Variants in SPTBN1 observed in about 807,000 individuals in gnomAD.
SPTBN1 encodes spectrin beta chain, non-erythrocytic 1.
A neutral mutation model predicts 266.4 loss-of-function variants in SPTBN1; 32 were observed. The observed-to-expected ratio is 0.12, with a 90% CI of 0.09 to 0.16. The LOEUF (loss-of-function observed/expected upper bound fraction) is 0.16. Among genes scored for constraint, SPTBN1 ranks in the 10% least tolerant of loss-of-function variants. SPTBN1 has a pLI of 1.00. For synonymous variants in SPTBN1, 1,336 were observed against 1,162.2 expected, an observed-to-expected ratio of 1.15 and a Z score of -3.04; for missense variants, 2,296 against 3,067.1, an observed-to-expected ratio of 0.75 and a Z score of 5.94.
Position 54,646,968 on chromosome 2 carries a change from A to C in SPTBN1, c.4867-163A>C, listed in dbSNP as rs1447536199. Among the ~76,000 whole-genome samples the C allele has an allele frequency of 1.3e-5, 2 of 152,098 alleles. No individual in the cohort carries two copies. The highest frequency in any genetic ancestry group is 2.9e-5 in the Non-Finnish European group (2 of 68,012). On this transcript the variant is annotated intron_variant, in intron 23 of 35. Coordinates refer to ENST00000356805, the MANE Select transcript of SPTBN1 (RefSeq NM_003128.3). The surrounding 1 kb of genome is among the most constrained non-coding windows in gnomAD (Gnocchi z 4.4). ...GGCTTCTGTGGTCCAGTCCATATGG[A>C]AGCTCTTGGAACACTTCTGTGTTCC...
intron 2 of SPTBN1, chr2:54,557,669 T>G (rs1323428353): frequency 7.2e-6 from 7 of 967,758 alleles, no homozygotes; most frequent in Non-Finnish European, 8.6e-6. Flanking sequence ...GGTGTTTACC[T>G]GTGTACCTTT....
chr2:54,536,091 C>T (rs781143138), intron 2 of SPTBN1, among the ~76,000 whole-genome samples: 3 of 152,094 alleles, frequency 2.0e-5, no homozygotes, highest in African/African-American at 4.8e-5. Flanking sequence ...ATCATAAAGG[C>T]CTATTGGTGG....
At chr2:54,566,585 C>A (rs773465901) in intron 2 of SPTBN1, among the ~76,000 whole-genome samples, 3 of 152,128 alleles carry the variant, frequency 2.0e-5, no homozygotes, top group Non-Finnish European at 4.4e-5. Context: ...AATACCAGCT[C>A]TTTGGGAGGT....
chr2:54,645,789 T>A lies in SPTBN1; in HGVS notation c.4495-139T>A. Reference sequence around the variant, plus strand: ...CTGTCTCGGAGAACAAGGGCGTGCTTCCCCAGACAGCCCTCCCGAGGGGGC... The same window carrying A: ...CTGTCTCGGAGAACAAGGGCGTGCTACCCCAGACAGCCCTCCCGAGGGGGC... On this transcript the variant is annotated intron_variant, in intron 21 of 35. Coordinates refer to ENST00000356805, the MANE Select transcript of SPTBN1 (RefSeq NM_003128.3). This position sits in a 1 kb window ranked among gnomAD's most constrained non-coding sequence, Gnocchi z 4.3. 1 of 869,050 alleles carries A rather than the reference T, an allele frequency of 1.2e-6. No individual in the cohort carries two copies. Among genetic ancestry groups the A allele is most frequent in the Non-Finnish European group, 1.8e-6 (1 of 559,168 alleles). The allele number at this position is 869,050 out of a possible 1,614,324, so 53.8% of individuals were successfully genotyped here.
chr2:54,620,955 T>C (rs904582691), intron 7 of SPTBN1, among the ~76,000 whole-genome samples: 1 of 152,164 alleles, frequency 6.6e-6, no homozygotes, highest in African/African-American at 2.4e-5. Flanking sequence ...GGGCTGGTTA[T>C]GTGACAGGAT....
intron 2 of SPTBN1, among the ~76,000 whole-genome samples, chr2:54,562,505 T>G (rs1673370408): frequency 6.6e-6 from 1 of 152,062 alleles, no homozygotes; most frequent in Admixed American, 6.5e-5. Context: ...ATTTCATCTA[T>G]AGAAATGCTT....
At chr2:54,586,569 C>G (rs977221668) in intron 2 of SPTBN1, among the ~76,000 whole-genome samples, 2 of 152,120 alleles carry the variant, frequency 1.3e-5, no homozygotes, top group Non-Finnish European at 2.9e-5. Flanking sequence ...CTTAGCTTAT[C>G]TTAGATGGGA....
chr2:54,630,971 C>T lies in SPTBN1; in HGVS notation c.2924C>T (p.Thr975Ile). 6.2e-7 allele frequency: 1 copy of T among 1,614,182 alleles called. No homozygotes were observed. Among genetic ancestry groups the T allele is most frequent in the Non-Finnish European group, 8.5e-7 (1 of 1,180,048 alleles). ...NETKSWIREK[T>I]KVIESTQDLG... ...ACCAAATCCTGGATTCGGGAAAAGA[C>T]CAAGGTCATCGAGTCCACCCAGGAC... is the stretch of plus-strand genomic sequence containing the variant. Residue 975 changes from threonine (T) to isoleucine (I), a missense_variant, in exon 16 of 36, where the codon ACC becomes ATC. Around this residue, in one of 12 missense-constraint regions of SPTBN1, gnomAD observed 128 missense variants for 176.5 expected, o/e 0.73. Transcript: ENST00000356805.
intron 4 of SPTBN1, among the ~76,000 whole-genome samples, chr2:54,613,629 A>G (rs1677378325): frequency 1.3e-5 from 2 of 152,258 alleles, no homozygotes; most frequent in African/African-American, 4.8e-5. Flanking sequence ...AGTTCTGATT[A>G]AGTAGGTCTG....
intron 1 of SPTBN1, among the ~76,000 whole-genome samples, chr2:54,516,631 C>A (rs1670122307): frequency 6.6e-6 from 1 of 152,128 alleles, no homozygotes; most frequent in South Asian, 2.1e-4. Context: ...GACTAAGTGA[C>A]AGAGGCTCTT....
chr2:54,658,712 A>T (rs907095817), intron 30 of SPTBN1, among the ~76,000 whole-genome samples: 1 of 152,128 alleles, frequency 6.6e-6, no homozygotes, highest in African/African-American at 2.4e-5. Context: ...TGGCTTTTTA[A>T]TGTGTTGTTT....
At chr2:54,642,235 A>G (rs59402608) in intron 18 of SPTBN1, among the ~76,000 whole-genome samples, 2,076 of 152,322 alleles carry the variant, frequency 0.014, 46 homozygotes, top group African/African-American at 0.047. Context: ...CCCCGGTAAG[A>G]GAGCTCCTTT....
intron 9 of SPTBN1, 119 bp downstream of exon 9, chr2:54,622,606 G>T: frequency 2.6e-6 from 3 of 1,134,670 alleles, no homozygotes; most frequent in Non-Finnish European, 3.8e-6. Flanking sequence ...TCAGTAGTGT[G>T]TCCTACTCCT....
chr2:54,494,400 G>A (rs1006344494), intron 1 of SPTBN1, among the ~76,000 whole-genome samples: 1 of 152,036 alleles, frequency 6.6e-6, no homozygotes, highest in Non-Finnish European at 1.5e-5. Flanking sequence ...GAGATACCTA[G>A]GAATGAAATG....
At chr2:54,622,633 T>A (rs1678070310) in intron 9 of SPTBN1, 146 bp downstream of exon 9, 1 of 923,142 alleles carries the variant, frequency 1.1e-6, no homozygotes, top group Non-Finnish European at 1.6e-6. Context: ...CTGACTCTGT[T>A]TTGCTGAGAT....
intron 7 of SPTBN1, among the ~76,000 whole-genome samples, chr2:54,620,561 A>G (rs1205668564): frequency 1.3e-5 from 2 of 152,150 alleles, no homozygotes; most frequent in African/African-American, 4.8e-5. Context: ...AGGTGAGAGG[A>G]TTGCTTGAGC....
chr2:54,606,983 T>G (rs1676885279), intron 3 of SPTBN1, among the ~76,000 whole-genome samples: 1 of 152,262 alleles, frequency 6.6e-6, no homozygotes, highest in African/African-American at 2.4e-5. Context: ...TGATGCAACC[T>G]GGCATTGCAC....
intron 2 of SPTBN1, among the ~76,000 whole-genome samples, chr2:54,566,147 A>C (rs77511364): frequency 1.3e-5 from 2 of 152,042 alleles, no homozygotes; most frequent in East Asian, 3.8e-4. Flanking sequence ...GAAAGGGGGA[A>C]ATAAAGGATA....
intron 2 of SPTBN1, among the ~76,000 whole-genome samples, chr2:54,529,958 C>G (rs978992778): frequency 3.4e-5 from 5 of 148,658 alleles, no homozygotes; most frequent in Non-Finnish European, 7.4e-5. Flanking sequence ...CTTCCTGTCC[C>G]TTATAGGGGA....
Sources: gnomAD v4.1 joint callset for allele counts (sites outside exome capture counted in the v4.1 genomes callset) on GRCh38, gnomAD v4.1.1 for gene constraint, gnomAD v4.1.1 regional missense constraint, Gnocchi (gnomAD v3.1) non-coding constraint, MANE v1.5 for transcripts, NCBI Gene and HGNC (gene_info 2026-07-23, HGNC 2026-07-21) for gene names.